CALCR: variants seen among roughly 807,000 people sequenced by gnomAD.
CALCR encodes calcitonin receptor.
CALCR carries 47 observed loss-of-function variants against 59.5 expected under a neutral mutation model. The observed-to-expected ratio is 0.79, with a 90% CI of 0.63 to 1.01. The LOEUF is 1.01. Ranked by LOEUF, CALCR falls within the 50% of genes least tolerant of loss-of-function variation. The pLI, the probability that CALCR is intolerant of heterozygous loss-of-function variation, is 0.00. For missense variants in CALCR, 566 were observed against 597.1 expected (o/e 0.95, Z 0.54); for synonymous variants, 213 against 211.3 (o/e 1.01, Z -0.07).
chr7:93,459,229 T>G (rs1033131011), intron 8 of CALCR, among the ~76,000 whole-genome samples: 1 of 152,166 alleles, frequency 6.6e-6, no homozygotes, highest in African/African-American at 2.4e-5. Context: ...ATCAACCAGT[T>G]TGGTGTTACT....
intron 2 of CALCR, among the ~76,000 whole-genome samples, chr7:93,571,642 A>AAT (rs1790008119): frequency 6.6e-6 from 1 of 152,176 alleles, no homozygotes; most frequent in Non-Finnish European, 1.5e-5. Flanking sequence ...AGTTGTAAAA[A>AAT]ATACAAATAT....
chr7:93,504,714 T>C (rs969728139), intron 2 of CALCR, among the ~76,000 whole-genome samples: 2 of 152,184 alleles, frequency 1.3e-5, no homozygotes, highest in East Asian at 1.9e-4. Context: ...AGAATTTAAG[T>C]TTCCTGAAAT....
chr7:93,529,393 T>C (rs1031992394), intron 2 of CALCR, among the ~76,000 whole-genome samples: 2 of 152,192 alleles, frequency 1.3e-5, no homozygotes, highest in Non-Finnish European at 2.9e-5. Flanking sequence ...GGAGCCACCA[T>C]GCTTCTTGTG....
intron 3 of CALCR, among the ~76,000 whole-genome samples, chr7:93,484,771 T>G (rs984645414): frequency 6.6e-6 from 1 of 151,740 alleles, no homozygotes; most frequent in African/African-American, 2.4e-5. Flanking sequence ...AACCTAATTT[T>G]TATGTCTTTG....
chr7:93,460,727 C>G, intron 8 of CALCR, 94 bp downstream of exon 8: 1 of 892,126 alleles, frequency 1.1e-6, no homozygotes, highest in Non-Finnish European at 1.6e-6. Flanking sequence ...CACATGTAAA[C>G]AGCTGCTTAA....
At chr7:93,562,324 T>G (rs1285324889) in intron 2 of CALCR, among the ~76,000 whole-genome samples, 1 of 152,064 alleles carries the variant, frequency 6.6e-6, no homozygotes, top group East Asian at 1.9e-4. Context: ...CTGATAATAG[T>G]GTTAAAAGCA....
At chr7:93,566,451 G>A (rs1334839717) in intron 2 of CALCR, among the ~76,000 whole-genome samples, 2 of 152,148 alleles carry the variant, frequency 1.3e-5, no homozygotes. Flanking sequence ...TCCATTGAGA[G>A]AGGCTCCTAA....
intron 2 of CALCR, among the ~76,000 whole-genome samples, chr7:93,539,845 T>C (rs1316183343): frequency 6.6e-6 from 1 of 152,168 alleles, no homozygotes; most frequent in East Asian, 1.9e-4. Context: ...TTCACGCCTT[T>C]GTATGACCTG....
intron 3 of CALCR, chr7:93,484,036 C>T: frequency 3.9e-6 from 2 of 507,622 alleles, no homozygotes; most frequent in African/African-American, 1.9e-5. Context: ...CAGTAGTCAG[C>T]AGCCCAAACA....
chr7:93,541,748 T>A (rs1223424054), intron 2 of CALCR, among the ~76,000 whole-genome samples: 1 of 152,192 alleles, frequency 6.6e-6, no homozygotes, highest in African/African-American at 2.4e-5. Flanking sequence ...TGTGCAAATT[T>A]CAAGAGCTAT....
intron 2 of CALCR, among the ~76,000 whole-genome samples, chr7:93,492,198 G>A (rs1801095212): frequency 6.6e-6 from 1 of 151,506 alleles, no homozygotes. Context: ...TGAACAATGA[G>A]AACACATGAA....
intron 9 of CALCR, among the ~76,000 whole-genome samples, chr7:93,440,460 A>G (rs1272486769): frequency 1.3e-5 from 2 of 151,998 alleles, no homozygotes; most frequent in East Asian, 3.9e-4. Flanking sequence ...GCTTTAAAAT[A>G]TGTCAATTTT....
intron 2 of CALCR, among the ~76,000 whole-genome samples, chr7:93,513,055 G>A (rs752406106): frequency 1.3e-5 from 2 of 152,074 alleles, no homozygotes; most frequent in Non-Finnish European, 2.9e-5. Context: ...CATGTCCATT[G>A]CCCAAATACA....
intron 2 of CALCR, among the ~76,000 whole-genome samples, chr7:93,568,438 T>G (rs772809296): frequency 1.3e-5 from 2 of 151,934 alleles, no homozygotes; most frequent in African/African-American, 2.4e-5. Flanking sequence ...TCAATCCTTA[T>G]CCCACTTGAT....
chr7:93,510,164 C>T (rs540526177), intron 2 of CALCR, among the ~76,000 whole-genome samples: 3 of 151,846 alleles, frequency 2.0e-5, no homozygotes, highest in African/African-American at 7.3e-5. Flanking sequence ...GTGGTGGGTA[C>T]TCGATAATTA....
chr7:93,493,947 C>A (rs1801141102), intron 2 of CALCR, among the ~76,000 whole-genome samples: 1 of 151,382 alleles, frequency 6.6e-6, no homozygotes, highest in African/African-American at 2.4e-5. Context: ...ACACAGTTTT[C>A]TTTGTCTACA....
intron 2 of CALCR, among the ~76,000 whole-genome samples, chr7:93,535,275 CA>C (rs1563011306): frequency 6.6e-6 from 1 of 151,646 alleles, no homozygotes; most frequent in Non-Finnish European, 1.5e-5. Context: ...TTATATGAGA[CA>C]TAGGTAATTA....
At chr7:93,486,854 T>C (rs1022521479) in intron 3 of CALCR, 77 bp downstream of exon 3, 3 of 923,280 alleles carry the variant, frequency 3.2e-6, no homozygotes, top group Non-Finnish European at 3.5e-6. Context: ...CAAATACTAA[T>C]TAAATCACAC....
At chr7:93,457,791 G>C (rs2283008) in intron 8 of CALCR, among the ~76,000 whole-genome samples, 13,335 of 152,118 alleles carry the variant, frequency 0.088, 1,085 homozygotes, top group East Asian at 0.29. Context: ...TCTGGTTATA[G>C]GCGGCGATCA....
Sources: gnomAD v4.1 joint callset for allele counts (sites outside exome capture counted in the v4.1 genomes callset) on GRCh38, gnomAD v4.1.1 for gene constraint, MANE v1.5 for transcripts, NCBI Gene and HGNC (gene_info 2026-07-23, HGNC 2026-07-21) for gene names.